AGAP1: variants seen among roughly 807,000 people sequenced by gnomAD.
The protein encoded by AGAP1 is ArfGAP with GTPase domain, ankyrin repeat and PH domain 1.
In AGAP1, 29 loss-of-function variants were observed where a neutral mutation model predicts 105.3. The ratio of observed to expected loss-of-function variants is 0.28; its 90% CI spans 0.21 to 0.38. AGAP1 has a LOEUF of 0.38. AGAP1 is among the 10% of genes least tolerant of loss of function. AGAP1 has a pLI of 1.00. For missense variants in AGAP1, 998 were observed against 1,165.1 expected, an observed-to-expected ratio of 0.86 and a Z score of 2.09; for synonymous variants, 509 against 485.9, an observed-to-expected ratio of 1.05 and a Z score of -0.63.
rs1946073106 is a variant in AGAP1, at chr2:235,609,957, G to A, written c.164-99222G>A. ...GTGGCCAACCACCTGAGAATACCTG[G>A]TGTTTCCTTCCTCAGGGACGGTTTG... is the stretch of plus-strand genomic sequence containing the variant. On this transcript the variant is annotated intron_variant, in intron 1 of 17. Coordinates refer to ENST00000304032, the MANE Select transcript of AGAP1 (RefSeq NM_001037131.3). The surrounding 1 kb of genome is among the most constrained non-coding windows in gnomAD (Gnocchi z 5.1). Among the ~76,000 whole-genome samples, 1 of 152,134 alleles carries A rather than the reference G, an allele frequency of 6.6e-6. No individual in the cohort carries two copies. The highest frequency in any genetic ancestry group is 1.5e-5 in the Non-Finnish European group (1 of 68,024).
intron 12 of AGAP1, among the ~76,000 whole-genome samples, chr2:235,945,627 A>G (rs1354987352): frequency 6.6e-6 from 1 of 152,234 alleles, no homozygotes; most frequent in African/African-American, 2.4e-5. Flanking sequence ...AATGCAGTTA[A>G]GCTTTTTGGT....
chr2:235,653,806 C>A (rs1207719447), intron 1 of AGAP1, among the ~76,000 whole-genome samples: 1 of 152,200 alleles, frequency 6.6e-6, no homozygotes, highest in Non-Finnish European at 1.5e-5. Context: ...CCTATAATCA[C>A]AACACTTTGG....
chr2:235,670,006 CACA>C (rs1948290601), intron 1 of AGAP1: 4 of 308,026 alleles, frequency 1.3e-5, no homozygotes, highest in Non-Finnish European at 2.4e-5. Flanking sequence ...GGGCGTGGGC[CACA>C]CTCCCGGCCC....
At chr2:235,545,218 C>T (rs545139510) in intron 1 of AGAP1, among the ~76,000 whole-genome samples, 1 of 152,296 alleles carries the variant, frequency 6.6e-6, no homozygotes, top group South Asian at 2.1e-4. Flanking sequence ...TGAGGAAAAT[C>T]ATTTGGGCCA....
At chr2:235,686,715 G>A (rs1242891312) in intron 1 of AGAP1, among the ~76,000 whole-genome samples, 7 of 141,404 alleles carry the variant, frequency 5.0e-5, no homozygotes, top group Non-Finnish European at 7.6e-5. Flanking sequence ...AGGATGGAGC[G>A]CAGTGGCGTG....
intron 1 of AGAP1, among the ~76,000 whole-genome samples, chr2:235,684,645 T>TA (rs1176117512): frequency 6.6e-6 from 1 of 152,090 alleles, no homozygotes; most frequent in Non-Finnish European, 1.5e-5. Context: ...CATACACACT[T>TA]ACCTCTTTTC....
intron 11 of AGAP1, among the ~76,000 whole-genome samples, chr2:235,909,196 G>C (rs142064979): frequency 9.9e-4 from 151 of 152,298 alleles, no homozygotes; most frequent in African/African-American, 3.5e-3. Context: ...GGGTTTTTAA[G>C]ATCCTTCTGA....
intron 11 of AGAP1, among the ~76,000 whole-genome samples, chr2:235,920,859 A>G (rs996251706): frequency 1.3e-5 from 2 of 152,242 alleles, no homozygotes; most frequent in South Asian, 4.1e-4. Context: ...TGATATCTGC[A>G]GAGGTTTTAC....
At chr2:235,806,139 G>C (rs911331653) in intron 8 of AGAP1, among the ~76,000 whole-genome samples, 2 of 152,184 alleles carry the variant, frequency 1.3e-5, no homozygotes, top group Non-Finnish European at 2.9e-5. Context: ...TAAATCAGCT[G>C]TTCCAGCTCA....
chr2:235,689,921 T>A lies in AGAP1; in HGVS notation c.164-19258T>A, dbSNP rs80070794. ...AGAACCTATAGTGTCATTTGTGGTA[T>A]TTTTTTTTTTAAATACTGCTTTTGT... is the stretch of plus-strand genomic sequence containing the variant. On this transcript the variant is annotated intron_variant, in intron 1 of 17. Transcript: ENST00000304032. The surrounding 1 kb of genome is among the most constrained non-coding windows in gnomAD (Gnocchi z 4.2). Among the ~76,000 whole-genome samples, 1 of 148,678 alleles carries A rather than the reference T, an allele frequency of 6.7e-6. No homozygotes were observed. The highest frequency in any genetic ancestry group is 6.7e-5 in the Admixed American group (1 of 14,898).
chr2:235,869,990 C>T (rs2049359366), intron 9 of AGAP1, among the ~76,000 whole-genome samples: 1 of 152,196 alleles, frequency 6.6e-6, no homozygotes, highest in Non-Finnish European at 1.5e-5. Flanking sequence ...GCATAATTTC[C>T]ACCACATTCT....
At chr2:235,523,867 C>T (rs562767057) in intron 1 of AGAP1, among the ~76,000 whole-genome samples, 1 of 151,800 alleles carries the variant, frequency 6.6e-6, no homozygotes, top group South Asian at 2.1e-4. Context: ...TTGAATGGCT[C>T]ACTCACCACC....
intron 14 of AGAP1, among the ~76,000 whole-genome samples, chr2:236,039,812 A>T (rs896509156): frequency 5.3e-5 from 8 of 152,248 alleles, no homozygotes; most frequent in Admixed American, 2.6e-4. Flanking sequence ...ACAACAGGCT[A>T]AAAGAACAGA....
intron 1 of AGAP1, among the ~76,000 whole-genome samples, chr2:235,509,370 G>A (rs1055942416): frequency 6.6e-6 from 1 of 152,014 alleles, no homozygotes; most frequent in Non-Finnish European, 1.5e-5. Flanking sequence ...GAGTAACTGG[G>A]ATTACAGACA....
At chr2:235,670,868 G>C in intron 1 of AGAP1, 2 of 1,379,854 alleles carry the variant, frequency 1.4e-6, no homozygotes, top group Non-Finnish European at 1.9e-6. Flanking sequence ...GGCCGGGGCC[G>C]GCGCGGCCTC....
intron 1 of AGAP1, among the ~76,000 whole-genome samples, chr2:235,589,895 T>C (rs1338374015): frequency 6.6e-6 from 1 of 152,096 alleles, no homozygotes; most frequent in African/African-American, 2.4e-5. Context: ...TCCTTTTTTT[T>C]TTTGAGATGG....
intron 9 of AGAP1, among the ~76,000 whole-genome samples, chr2:235,833,067 G>T (rs1176363970): frequency 6.6e-6 from 1 of 152,130 alleles, no homozygotes; most frequent in Non-Finnish European, 1.5e-5. Context: ...GGGCCGGTGA[G>T]CCAGGGAGCA....
At chr2:235,595,756 A>G (rs1231693752) in intron 1 of AGAP1, among the ~76,000 whole-genome samples, 1 of 152,222 alleles carries the variant, frequency 6.6e-6, no homozygotes, top group Non-Finnish European at 1.5e-5. Context: ...TGTGAAATTA[A>G]CAAAAACTAG....
Position 235,891,111 on chromosome 2 carries a change from C to A in AGAP1, c.1155+7662C>A, listed in dbSNP as rs1178906273. On this transcript the variant is annotated intron_variant, in intron 10 of 17. Transcript: ENST00000304032. The surrounding 1 kb of genome is among the most constrained non-coding windows in gnomAD (Gnocchi z 4.2). Reference sequence around the variant, plus strand: ...GTTTTCTGCAGGACTGAGGGGTTCCCAGGGTGCAGGACTTTCATAGCTAAC... The same window carrying A: ...GTTTTCTGCAGGACTGAGGGGTTCCAAGGGTGCAGGACTTTCATAGCTAAC... Among the ~76,000 whole-genome samples, 1 of 152,072 alleles carries A rather than the reference C, an allele frequency of 6.6e-6. No individual in the cohort carries two copies. The highest frequency in any genetic ancestry group is 1.5e-5 in the Non-Finnish European group (1 of 68,008).
Sources: gnomAD v4.1 joint callset for allele counts (sites outside exome capture counted in the v4.1 genomes callset) on GRCh38, gnomAD v4.1.1 for gene constraint, Gnocchi (gnomAD v3.1) non-coding constraint, MANE v1.5 for transcripts, NCBI Gene and HGNC (gene_info 2026-07-23, HGNC 2026-07-21) for gene names.